The following SGCZ variants were observed in gnomAD, a reference collection of about 807,000 sequenced individuals.
SGCZ encodes zeta-sarcoglycan.
SGCZ carries 40 observed loss-of-function variants against 41.3 expected under a neutral mutation model. The observed-to-expected ratio is 0.97, with a 90% confidence interval of 0.75 to 1.26. The LOEUF (loss-of-function observed/expected upper bound fraction) is 1.26. Among genes scored for constraint, SGCZ ranks in the 50% most tolerant of loss-of-function variants. SGCZ has a pLI of 0.00. For synonymous variants in SGCZ, 206 were observed against 137.5 expected (o/e 1.50, Z -3.49); for missense variants, 552 against 369.8 (o/e 1.49, Z -4.04).
chr8:14,125,721 C>G (rs1802833523), intron 5 of SGCZ, among the ~76,000 whole-genome samples: 1 of 151,964 alleles, frequency 6.6e-6, no homozygotes, highest in African/African-American at 2.4e-5. Context: ...CTACCTGATT[C>G]CAAACTACCA....
intron 1 of SGCZ, among the ~76,000 whole-genome samples, chr8:14,610,718 C>T (rs10088391): frequency 0.17 from 26,400 of 152,074 alleles, 2,443 homozygotes; most frequent in Non-Finnish European, 0.21. Context: ...AAATAAGTTG[C>T]ATCTGTTGTA....
intron 4 of SGCZ, among the ~76,000 whole-genome samples, chr8:14,175,217 C>G (rs1368694669): frequency 6.6e-6 from 1 of 151,840 alleles, no homozygotes; most frequent in Non-Finnish European, 1.5e-5. Flanking sequence ...GTTGAATGGC[C>G]AAAGATATTT....
At chr8:14,315,852 AT>A (rs1363248499) in intron 3 of SGCZ, among the ~76,000 whole-genome samples, 1 of 151,674 alleles carries the variant, frequency 6.6e-6, no homozygotes, top group East Asian at 1.9e-4. Context: ...ATAAAAAAAA[AT>A]ATAGTAGGAA....
At chr8:14,518,934 T>C (rs1470966707) in intron 2 of SGCZ, among the ~76,000 whole-genome samples, 1 of 148,600 alleles carries the variant, frequency 6.7e-6, no homozygotes, top group African/African-American at 2.5e-5. Flanking sequence ...CCAGGTGTGG[T>C]AGCACATGCC....
At chr8:14,413,097 C>A (rs1298023781) in intron 2 of SGCZ, among the ~76,000 whole-genome samples, 1 of 151,756 alleles carries the variant, frequency 6.6e-6, no homozygotes, top group Non-Finnish European at 1.5e-5. Context: ...AAAAATTGAC[C>A]AAGTTCGCAT....
intron 4 of SGCZ, among the ~76,000 whole-genome samples, chr8:14,233,588 T>TAA (rs1391282010): frequency 9.0e-6 from 1 of 111,672 alleles, no homozygotes; most frequent in Non-Finnish European, 2.2e-5. Flanking sequence ...TTATTCTATA[T>TAA]AAAATATAGA....
intron 1 of SGCZ, among the ~76,000 whole-genome samples, chr8:15,232,695 G>GTA (rs1448530522): frequency 2.2e-5 from 3 of 138,262 alleles, no homozygotes; most frequent in Non-Finnish European, 4.8e-5. Context: ...ATATATGTGT[G>GTA]TATATATATA....
chr8:14,585,192 G>A (rs769070486), intron 1 of SGCZ, among the ~76,000 whole-genome samples: 7 of 152,046 alleles, frequency 4.6e-5, no homozygotes, highest in Non-Finnish European at 1.0e-4. Context: ...TAGCTTCGGC[G>A]TTAAATGTAC....
At chr8:14,272,028 G>C (rs1585305620) in intron 3 of SGCZ, among the ~76,000 whole-genome samples, 1 of 152,062 alleles carries the variant, frequency 6.6e-6, no homozygotes, top group East Asian at 1.9e-4. Context: ...TTTTAAGATG[G>C]AGTCTCATTC....
At chr8:14,473,572 G>T (rs779878316) in intron 2 of SGCZ, among the ~76,000 whole-genome samples, 3 of 151,444 alleles carry the variant, frequency 2.0e-5, no homozygotes, top group Non-Finnish European at 4.4e-5. Context: ...TTAGTGATAG[G>T]TATTAGTGAA....
intron 1 of SGCZ, among the ~76,000 whole-genome samples, chr8:14,732,470 C>A (rs889865718): frequency 6.6e-6 from 1 of 152,090 alleles, no homozygotes; most frequent in African/African-American, 2.4e-5. Flanking sequence ...GAAAATTATT[C>A]AAAATGACCT....
intron 5 of SGCZ, among the ~76,000 whole-genome samples, chr8:14,154,522 T>C (rs185226721): frequency 2.5e-4 from 38 of 152,300 alleles, no homozygotes; most frequent in Admixed American, 3.9e-4. Flanking sequence ...TTACCCGTGG[T>C]TTATTAATAA....
At chr8:14,182,975 A>G (rs1322940085) in intron 4 of SGCZ, among the ~76,000 whole-genome samples, 1 of 145,334 alleles carries the variant, frequency 6.9e-6, no homozygotes, top group Non-Finnish European at 1.5e-5. Flanking sequence ...GTGCCATTGC[A>G]CTCCAGCCTG....
intron 1 of SGCZ, among the ~76,000 whole-genome samples, chr8:15,229,152 A>G (rs1172181273): frequency 6.6e-6 from 1 of 152,162 alleles, no homozygotes; most frequent in African/African-American, 2.4e-5. Flanking sequence ...AGATCGTGCC[A>G]CTATACTCCA....
At chr8:15,175,368 A>G (rs1377493155) in intron 1 of SGCZ, among the ~76,000 whole-genome samples, 3 of 152,162 alleles carry the variant, frequency 2.0e-5, no homozygotes, top group Non-Finnish European at 4.4e-5. Flanking sequence ...AAAAAGAATA[A>G]GATCATGTCC....
intron 1 of SGCZ, among the ~76,000 whole-genome samples, chr8:14,895,476 G>T (rs1805164048): frequency 6.6e-6 from 1 of 151,950 alleles, no homozygotes; most frequent in African/African-American, 2.4e-5. Context: ...TTATTAGTGT[G>T]ATAAGAAATT....
rs374429859 is a variant in SGCZ, at chr8:14,535,183, A to G, written c.234+19549T>C. On this transcript the variant is annotated intron_variant, in intron 2 of 7. Transcript: ENST00000382080. ...ATTATTAAAATTATGAGTTATTTAG[A>G]TTTGATTACTTAAATTTGAATAGTA... 5.3e-4 allele frequency among the ~76,000 whole-genome samples: 80 copies of G among 152,058 alleles called. 2 individuals are homozygous for G. The highest frequency in any genetic ancestry group is 1.9e-3 in the African/African-American group (77 of 41,538).
At chr8:15,149,323 T>G (rs533145442) in intron 1 of SGCZ, among the ~76,000 whole-genome samples, 1 of 152,292 alleles carries the variant, frequency 6.6e-6, no homozygotes, top group South Asian at 2.1e-4. Flanking sequence ...GTATGGAGGA[T>G]TGGTGTGCAG....
intron 1 of SGCZ, among the ~76,000 whole-genome samples, chr8:14,733,254 T>G (rs554511146): frequency 4.6e-5 from 7 of 152,166 alleles, no homozygotes; most frequent in Admixed American, 4.6e-4. Flanking sequence ...CCAAAAGTAT[T>G]CAGACTACCC....
Sources: gnomAD v4.1 joint callset for allele counts (sites outside exome capture counted in the v4.1 genomes callset) on GRCh38, gnomAD v4.1.1 for gene constraint, MANE v1.5 for transcripts, NCBI Gene and HGNC (gene_info 2026-07-23, HGNC 2026-07-21) for gene names.